ROBO2: variants seen among roughly 807,000 people sequenced by gnomAD.
The protein encoded by ROBO2 is roundabout homolog 2.
A neutral mutation model predicts 160.8 loss-of-function variants in ROBO2; 53 were observed. The ratio of observed to expected loss-of-function variants is 0.33; its 90% CI spans 0.26 to 0.41. ROBO2 has a LOEUF of 0.41. ROBO2 is among the 10% of genes least tolerant of loss of function. The probability of loss-of-function intolerance (pLI) is 1.00; values close to 1 mark genes in which losing one functional copy is unlikely to be tolerated. For missense variants in ROBO2, 1,577 were observed against 1,722.4 expected (o/e 0.92, Z 1.49); for synonymous variants, 664 against 611.7 (o/e 1.09, Z -1.26).
intron 2 of ROBO2, among the ~76,000 whole-genome samples, chr3:76,661,426 C>G (rs1375263544): frequency 6.6e-6 from 1 of 152,086 alleles, no homozygotes; most frequent in Non-Finnish European, 1.5e-5. Flanking sequence ...AAGGACATAC[C>G]CATGACACAA....
intron 2 of ROBO2, among the ~76,000 whole-genome samples, chr3:76,033,040 G>A (rs1265359673): frequency 1.3e-5 from 2 of 151,864 alleles, no homozygotes; most frequent in Non-Finnish European, 2.9e-5. Context: ...AACACATTCT[G>A]ACTGGCTTTA....
intron 1 of ROBO2, among the ~76,000 whole-genome samples, chr3:77,067,028 T>TCACACACACACACACACACA (rs144228628): frequency 2.9e-5 from 4 of 136,840 alleles, no homozygotes; most frequent in Non-Finnish European, 1.6e-5. Context: ...ACACACACAC[T>TCACACACACACACACACACA]CACACACACA....
intron 2 of ROBO2, among the ~76,000 whole-genome samples, chr3:76,649,000 G>A (rs2091122238): frequency 1.3e-5 from 2 of 152,068 alleles, no homozygotes; most frequent in South Asian, 4.1e-4. Context: ...GTCATCATAT[G>A]TGAGTTTAAT....
intron 2 of ROBO2, among the ~76,000 whole-genome samples, chr3:76,336,094 C>A (rs1251038740): frequency 3.3e-5 from 5 of 152,130 alleles, no homozygotes; most frequent in African/African-American, 4.8e-5. Context: ...ATTGAACTAG[C>A]ATTTGCCTGT....
chr3:77,127,310 G>A (rs367956382), intron 2 of ROBO2, among the ~76,000 whole-genome samples: 12 of 151,956 alleles, frequency 7.9e-5, no homozygotes, highest in East Asian at 1.9e-4. Context: ...TTAATCTTGC[G>A]CACAGTTGTC....
intron 2 of ROBO2, among the ~76,000 whole-genome samples, chr3:76,745,780 AT>A (rs1029451685): frequency 6.8e-6 from 1 of 147,410 alleles, no homozygotes; most frequent in Admixed American, 6.9e-5. Flanking sequence ...TACTCAAATA[AT>A]TTTTTTAAAA....
At chr3:76,378,926 T>C (rs1479653866) in intron 2 of ROBO2, among the ~76,000 whole-genome samples, 1 of 152,194 alleles carries the variant, frequency 6.6e-6, no homozygotes, top group Non-Finnish European at 1.5e-5. Flanking sequence ...AACTAAATCA[T>C]GGCCTCTTTG....
In ROBO2 at chr3:76,754,537, A is replaced by T. The variant is rs1333262926; in HGVS notation, c.110-343477A>T. 2.0e-5 allele frequency among the ~76,000 whole-genome samples: 3 copies of T among 151,900 alleles called. No homozygotes were observed. In the East Asian group the frequency reaches 5.8e-4, roughly 30 times the overall value. Reference sequence around the variant, plus strand: ...AATAGTTGAATAAATCACATGCCTTATGATGTGTAAGTATCATAACTAAGA... The same window carrying T: ...AATAGTTGAATAAATCACATGCCTTTTGATGTGTAAGTATCATAACTAAGA... On this transcript the variant is annotated intron_variant, in intron 2 of 26. Transcript: ENST00000487694.
At chr3:76,179,830 G>A (rs1417883813) in intron 2 of ROBO2, among the ~76,000 whole-genome samples, 2 of 152,066 alleles carry the variant, frequency 1.3e-5, no homozygotes, top group Admixed American at 6.6e-5. Flanking sequence ...TTTGATGGAA[G>A]GGGGGTTGGT....
At chr3:76,523,468 A>G (rs73119826) in intron 2 of ROBO2, among the ~76,000 whole-genome samples, 4,135 of 152,212 alleles carry the variant, frequency 0.027, 77 homozygotes, top group South Asian at 0.046. Flanking sequence ...AATGTGCTAG[A>G]TAAGCTTAGT....
chr3:76,668,960 A>G (rs2092158928), intron 2 of ROBO2, among the ~76,000 whole-genome samples: 1 of 152,154 alleles, frequency 6.6e-6, no homozygotes, highest in Admixed American at 6.6e-5. Flanking sequence ...GAAAAATAGA[A>G]CATAAGCCAG....
chr3:77,200,267 TTATATA>T (rs144644165), intron 2 of ROBO2, among the ~76,000 whole-genome samples: 792 of 45,976 alleles, frequency 0.017, 6 homozygotes, highest in Non-Finnish European at 0.018. Context: ...CTAACATATT[TTATATA>T]TATATATATA....
At position 76,587,620 on chromosome 3, in the gene ROBO2, C is replaced by G. The variant is rs539061210; in HGVS notation, c.110-510394C>G. Reference sequence around the variant, plus strand: ...ACCCCCATGATTCAATTATCTCCACCTGGTCCCTCCCACAACACGTGGGGA... The same window carrying G: ...ACCCCCATGATTCAATTATCTCCACGTGGTCCCTCCCACAACACGTGGGGA... On this transcript the variant is annotated intron_variant, in intron 2 of 26. Transcript: ENST00000487694. Among the ~76,000 whole-genome samples, 4 of 152,290 alleles carry G rather than the reference C, an allele frequency of 2.6e-5. No individual in the cohort carries two copies. The South Asian group carries it at 8.3e-4, about 32-fold the overall frequency.
chr3:75,917,562 T>C (rs1426213104), intron 1 of ROBO2, among the ~76,000 whole-genome samples: 2 of 152,224 alleles, frequency 1.3e-5, no homozygotes, highest in African/African-American at 4.8e-5. Context: ...AGTAATGGGA[T>C]TGCTGGGTCA....
At chr3:76,272,837 A>ATATTTATATATAAAATATATAAAATATG (rs1707578342) in intron 2 of ROBO2, among the ~76,000 whole-genome samples, 1 of 40,004 alleles carries the variant, frequency 2.5e-5, no homozygotes, top group South Asian at 6.8e-4. Context: ...TAAAATATAT[A>ATATTTATATATAAAATATATAAAATATG]TATTATATAT....
intron 2 of ROBO2, among the ~76,000 whole-genome samples, chr3:76,787,308 A>T (rs1478869559): frequency 6.8e-6 from 1 of 147,314 alleles, no homozygotes; most frequent in East Asian, 2.0e-4. Context: ...AATTTTTTCC[A>T]GTCATTAAAT....
intron 9 of ROBO2, among the ~76,000 whole-genome samples, chr3:77,560,716 T>C (rs1020799943): frequency 3.3e-4 from 50 of 152,272 alleles, no homozygotes; most frequent in African/African-American, 1.2e-3. Context: ...CATTAAAATA[T>C]ACCTACCGCA....
chr3:77,185,903 T>C (rs2081238575), intron 2 of ROBO2, among the ~76,000 whole-genome samples: 1 of 151,952 alleles, frequency 6.6e-6, no homozygotes, highest in Non-Finnish European at 1.5e-5. Flanking sequence ...TTGGAGATTA[T>C]TGTTCTAAGT....
chr3:76,784,589 C>A (rs996938039), intron 2 of ROBO2, among the ~76,000 whole-genome samples: 1 of 151,036 alleles, frequency 6.6e-6, no homozygotes, highest in African/African-American at 2.4e-5. Flanking sequence ...TATTGAGTAC[C>A]ATGCATGGAG....
Sources: allele counts gnomAD v4.1 joint callset (sites outside exome capture counted in the v4.1 genomes callset), GRCh38; gene constraint gnomAD v4.1.1; transcripts MANE v1.5; gene names NCBI Gene and HGNC (gene_info 2026-07-23, HGNC 2026-07-21).